Variants in HDAC9 observed in about 807,000 individuals in gnomAD.
HDAC9 encodes the protein MEF-2 interacting transcription repressor (MITR) protein.
A neutral mutation model predicts 139.4 loss-of-function variants in HDAC9; 41 were observed. The ratio of observed to expected loss-of-function variants is 0.29; its 90% CI spans 0.23 to 0.38. The LOEUF (loss-of-function observed/expected upper bound fraction) is 0.38. Ranked by LOEUF, HDAC9 falls within the 10% of genes least tolerant of loss-of-function variation. The pLI is 1.00. For synonymous variants in HDAC9, 517 were observed against 476.2 expected, an observed-to-expected ratio of 1.09 and a Z score of -1.12; for missense variants, 1,147 against 1,297.0, an observed-to-expected ratio of 0.88 and a Z score of 1.78.
At chr7:18,099,776 T>G (rs954618269) in intron 1 of HDAC9, among the ~76,000 whole-genome samples, 1 of 152,216 alleles carries the variant, frequency 6.6e-6, no homozygotes, top group Non-Finnish European at 1.5e-5. Context: ...TGGAAACTCA[T>G]TAAAATATAT....
rs1030311180 is a variant in HDAC9, at chr7:18,811,604, C to G, written c.2323-17557C>G. Among the ~76,000 whole-genome samples the G allele has an allele frequency of 1.1e-4, 17 of 151,728 alleles. No individual in the cohort carries two copies. The East Asian group carries it at 2.9e-3, about 26-fold the overall frequency. On this transcript the variant is annotated intron_variant, in intron 17 of 25. Transcript: ENST00000686413. ...GGGTCAGAAAACATTTTCTGTAGAGCTTTAATTCTTTTACATTTATTGATA... is the reference window on the plus strand; with the variant it reads ...GGGTCAGAAAACATTTTCTGTAGAGGTTTAATTCTTTTACATTTATTGATA...
chr7:18,696,103 A>G (rs1372835967), intron 12 of HDAC9, among the ~76,000 whole-genome samples: 1 of 151,936 alleles, frequency 6.6e-6, no homozygotes, highest in Non-Finnish European at 1.5e-5. Flanking sequence ...CTTGCTTTTA[A>G]TATCATTTTT....
intron 2 of HDAC9, among the ~76,000 whole-genome samples, chr7:18,505,141 T>C (rs1210536453): frequency 2.0e-5 from 3 of 152,170 alleles, no homozygotes; most frequent in African/African-American, 7.2e-5. Context: ...GCGTGCTCTT[T>C]TCCTTGGAGC....
intron 1 of HDAC9, among the ~76,000 whole-genome samples, chr7:18,475,916 G>T (rs1326347556): frequency 6.6e-6 from 1 of 152,148 alleles, no homozygotes; most frequent in African/African-American, 2.4e-5. Context: ...GATTAAAATG[G>T]CATAGTTAGG....
At chr7:18,380,269 T>C (rs543752546) in intron 1 of HDAC9, among the ~76,000 whole-genome samples, 158 of 152,236 alleles carry the variant, frequency 1.0e-3, no homozygotes, top group African/African-American at 3.3e-3. Context: ...TAACAACTTA[T>C]AGAATATAAG....
intron 6 of HDAC9, among the ~76,000 whole-genome samples, chr7:18,625,606 T>C (rs1403270142): frequency 6.6e-6 from 1 of 152,164 alleles, no homozygotes; most frequent in Non-Finnish European, 1.5e-5. Flanking sequence ...CACTGGCCTA[T>C]TCTCTACTAG....
chr7:18,909,151 T>C (rs927158649), intron 22 of HDAC9, among the ~76,000 whole-genome samples: 26 of 151,984 alleles, frequency 1.7e-4, no homozygotes, highest in African/African-American at 5.8e-4. Flanking sequence ...ATTAGGGAGG[T>C]TGAGAATATT....
intron 2 of HDAC9, among the ~76,000 whole-genome samples, chr7:18,167,349 T>C (rs548207457): frequency 6.6e-6 from 1 of 152,208 alleles, no homozygotes; most frequent in African/African-American, 2.4e-5. Flanking sequence ...AGTGCTTTAA[T>C]AAGTGAGGCA....
At chr7:18,814,387 A>G (rs536827576) in intron 17 of HDAC9, among the ~76,000 whole-genome samples, 1 of 152,282 alleles carries the variant, frequency 6.6e-6, no homozygotes, top group Admixed American at 6.5e-5. Flanking sequence ...TTTATCTTTG[A>G]TAGTATTAAA....
chr7:18,905,345 G>A (rs550314565), intron 22 of HDAC9, among the ~76,000 whole-genome samples: 1 of 152,358 alleles, frequency 6.6e-6, no homozygotes, highest in African/African-American at 2.4e-5. Flanking sequence ...ATACAGAGTA[G>A]ATGTTCATTA....
intron 21 of HDAC9, among the ~76,000 whole-genome samples, chr7:18,869,885 TTG>T (rs1167668616): frequency 1.7e-5 from 2 of 114,506 alleles, no homozygotes; most frequent in Non-Finnish European, 3.5e-5. Context: ...TGGGTTTTTT[TTG>T]TTTTTTTTTT....
At chr7:18,128,293 C>T (rs1784797995) in intron 1 of HDAC9, among the ~76,000 whole-genome samples, 1 of 152,012 alleles carries the variant, frequency 6.6e-6, no homozygotes, top group Non-Finnish European at 1.5e-5. Context: ...CTTTTCAGAC[C>T]ACTAAGCAGG....
At chr7:18,702,368 G>A (rs1324724152) in intron 12 of HDAC9, among the ~76,000 whole-genome samples, 1 of 152,190 alleles carries the variant, frequency 6.6e-6, no homozygotes, top group Non-Finnish European at 1.5e-5. Context: ...GTGGATTTAT[G>A]GACGCACTGG....
chr7:18,824,500 G>T (rs1484970347), intron 17 of HDAC9, among the ~76,000 whole-genome samples: 3 of 152,204 alleles, frequency 2.0e-5, no homozygotes, highest in African/African-American at 7.2e-5. Flanking sequence ...GGAAGTCCCA[G>T]TGCAGATGAA....
intron 1 of HDAC9, among the ~76,000 whole-genome samples, chr7:18,374,226 C>CAA (rs1562929732): frequency 2.0e-5 from 3 of 149,788 alleles, no homozygotes; most frequent in African/African-American, 7.4e-5. Flanking sequence ...TATACACACA[C>CAA]ACATATATAG....
At chr7:18,982,250 C>G (rs1254920843) in intron 25 of HDAC9, among the ~76,000 whole-genome samples, 1 of 152,112 alleles carries the variant, frequency 6.6e-6, no homozygotes, top group East Asian at 1.9e-4. Context: ...GTTTTACCTT[C>G]TTTCTAATCC....
intron 2 of HDAC9, among the ~76,000 whole-genome samples, chr7:18,547,425 C>T (rs530986772): frequency 2.2e-4 from 33 of 152,250 alleles, no homozygotes; most frequent in Non-Finnish European, 3.5e-4. Context: ...TTAGTGGAGA[C>T]GGGGTTTCAC....
At chr7:18,605,634 C>G (rs1309291342) in intron 6 of HDAC9, among the ~76,000 whole-genome samples, 1 of 152,048 alleles carries the variant, frequency 6.6e-6, no homozygotes, top group Non-Finnish European at 1.5e-5. Context: ...GGAAGTAAAA[C>G]CCATGAAAAT....
chr7:18,731,090 A>G (rs2129131990), intron 13 of HDAC9, among the ~76,000 whole-genome samples: 1 of 152,296 alleles, frequency 6.6e-6, no homozygotes, highest in South Asian at 2.1e-4. Flanking sequence ...TAAGACTTCA[A>G]CATGCTGCTC....
Sources: allele counts gnomAD v4.1 joint callset (sites outside exome capture counted in the v4.1 genomes callset), GRCh38; gene constraint gnomAD v4.1.1; transcripts MANE v1.5; gene names NCBI Gene and HGNC (gene_info 2026-07-23, HGNC 2026-07-21).